GUCY1A1: variants seen among roughly 807,000 people sequenced by gnomAD.
GUCY1A1 encodes guanylate cyclase soluble subunit alpha-1.
A neutral mutation model predicts 64.5 loss-of-function variants in GUCY1A1; 48 were observed. That is an observed-to-expected ratio of 0.74 (90% CI 0.59 to 0.95). The LOEUF is 0.95. Among genes scored for constraint, GUCY1A1 ranks in the 40% least tolerant of loss-of-function variants. The pLI, the probability that GUCY1A1 is intolerant of heterozygous loss-of-function variation, is 0.00. For missense variants in GUCY1A1, 804 were observed against 825.3 expected (o/e 0.97, Z 0.32); for synonymous variants, 308 against 303.4 (o/e 1.02, Z -0.16).
chr4:155,692,512 A>G (rs1249789933), intron 2 of GUCY1A1, among the ~76,000 whole-genome samples: 1 of 152,162 alleles, frequency 6.6e-6, no homozygotes, highest in African/African-American at 2.4e-5. Context: ...GTTAGATGGT[A>G]TCTCATTGTG....
At chr4:155,716,841 C>T (rs1733300964) in intron 7 of GUCY1A1, among the ~76,000 whole-genome samples, 1 of 151,904 alleles carries the variant, frequency 6.6e-6, no homozygotes, top group Admixed American at 6.6e-5. Flanking sequence ...ATTGTTTCTA[C>T]AAAAACTATC....
chr4:155,717,099 A>G, intron 7 of GUCY1A1, 60 bp from the exon 8 acceptor site: 2 of 1,180,148 alleles, frequency 1.7e-6, no homozygotes, highest in South Asian at 4.4e-5. Flanking sequence ...CTTCTATCCG[A>G]TGTAGGCTGT....
rs150469433 is a variant in GUCY1A1, at chr4:155,692,325, G to A, written c.-112-4431G>A. On this transcript the variant is annotated intron_variant, in intron 2 of 9. Transcript: ENST00000506455. ...GTGTATACCTAGTAGTAGGATTGCT[G>A]GGTCAAATGGTATTTCTGTCTTTAG... Among the ~76,000 whole-genome samples the A allele has an allele frequency of 2.8e-3, 429 of 152,220 alleles. 4 individuals are homozygous for A. The highest frequency in any genetic ancestry group is 1.0e-2 in the African/African-American group (415 of 41,530).
At chr4:155,685,817 C>T (rs1348085593) in intron 2 of GUCY1A1, among the ~76,000 whole-genome samples, 2 of 152,056 alleles carry the variant, frequency 1.3e-5, no homozygotes, top group South Asian at 2.1e-4. Context: ...CTGTGAGAGT[C>T]ACTAGTGTCT....
rs1735475663 is a variant in GUCY1A1, at chr4:155,730,945, G to T, written c.*714G>T. 1 of 153,188 alleles carries T rather than the reference G, an allele frequency of 6.5e-6. No homozygotes were observed. Among genetic ancestry groups the T allele is most frequent in the South Asian group, 2.1e-4 (1 of 4,818 alleles). The allele number at this position is 153,188 out of a possible 1,614,324, so 9.5% of individuals were successfully genotyped here. On this transcript the variant is annotated 3_prime_UTR_variant, in exon 10 of 10. Transcript: ENST00000506455. ...TTGACTTTTTTAAAATTCTACAATG[G>T]TAAAAGCTATTTTAATCCATGTTAG...
intron 8 of GUCY1A1, among the ~76,000 whole-genome samples, chr4:155,718,858 TAGG>T (rs1370758616): frequency 1.3e-5 from 2 of 152,202 alleles, no homozygotes; most frequent in South Asian, 4.1e-4. Flanking sequence ...CAAGAATCAA[TAGG>T]AGGAGTGTAA....
intron 2 of GUCY1A1, among the ~76,000 whole-genome samples, chr4:155,684,197 C>T (rs923686235): frequency 6.6e-6 from 1 of 152,130 alleles, no homozygotes; most frequent in African/African-American, 2.4e-5. Flanking sequence ...ATGGCAGAGG[C>T]ATTAAAAGAA....
At chr4:155,716,952 C>G (rs1733320841) in intron 7 of GUCY1A1, among the ~76,000 whole-genome samples, 1 of 152,158 alleles carries the variant, frequency 6.6e-6, no homozygotes. Flanking sequence ...TGTACTGCCT[C>G]TCAGTGCAGT....
intron 2 of GUCY1A1, among the ~76,000 whole-genome samples, chr4:155,677,938 T>TA (rs1336620914): frequency 6.6e-6 from 1 of 151,894 alleles, no homozygotes; most frequent in Admixed American, 6.6e-5. Context: ...TAAGTTTATA[T>TA]AAAAAATTAG....
rs1579152587 is a variant in GUCY1A1 at position 155,733,946 on chromosome 4, C to A, written c.*3715C>A. Among the ~76,000 whole-genome samples the A allele has an allele frequency of 6.6e-6, 1 of 151,838 alleles. No homozygotes were observed. Among genetic ancestry groups the A allele is most frequent in the Non-Finnish European group, 1.5e-5 (1 of 67,868 alleles). ...TTTTACCATAAGTATGAGCATAAAGCTGGGATGTCTGGCATTGGAATTTTA... is the reference window on the plus strand; with the variant it reads ...TTTTACCATAAGTATGAGCATAAAGATGGGATGTCTGGCATTGGAATTTTA... On this transcript the variant is annotated 3_prime_UTR_variant, in exon 10 of 10. Transcript: ENST00000506455.
rs1350500182 is a variant in GUCY1A1, at chr4:155,735,778, G to C, written c.*5547G>C. 1 of 151,884 alleles carries C rather than the reference G, an allele frequency of 6.6e-6. No individual in the cohort carries two copies. The highest frequency in any genetic ancestry group is 1.5e-5 in the Non-Finnish European group (1 of 67,924). 9.4% of individuals were successfully genotyped at this position (151,884 alleles called of 1,614,324 possible). A position where few individuals can be genotyped will look rare whatever the true frequency, so the allele number is the denominator to read the frequency against. On this transcript the variant is annotated 3_prime_UTR_variant, in exon 10 of 10. Coordinates refer to ENST00000506455, the MANE Select transcript of GUCY1A1 (RefSeq NM_001130682.3). ...AACAAAAATGCTATTACAGAAGTTG[G>C]ACAGCCCAATGTGTTAAGTATTATA...
rs1735459143 is a variant in GUCY1A1 at position 155,730,794 on chromosome 4, C to T, written c.*563C>T. 1 of 153,000 alleles carries T rather than the reference C, an allele frequency of 6.5e-6. No homozygotes were observed. The highest frequency in any genetic ancestry group is 6.6e-5 in the Admixed American group (1 of 15,170). The allele number at this position is 153,000 out of a possible 1,614,324, so 9.5% of individuals were successfully genotyped here. ...TCTTTTTTTCTTTTTAGAAAATAAG[C>T]AATTAGGGGTTAGATGCAATATGAA... On this transcript the variant is annotated 3_prime_UTR_variant, in exon 10 of 10. Coordinates refer to ENST00000506455, the MANE Select transcript of GUCY1A1 (RefSeq NM_001130682.3).
At chr4:155,685,520 C>A (rs1490635277) in intron 2 of GUCY1A1, among the ~76,000 whole-genome samples, 1 of 152,034 alleles carries the variant, frequency 6.6e-6, no homozygotes, top group East Asian at 1.9e-4. Context: ...CTTTGTCTGA[C>A]CCTCTCAGCC....
chr4:155,669,624 C>T (rs1733847362), intron 2 of GUCY1A1, among the ~76,000 whole-genome samples: 1 of 151,880 alleles, frequency 6.6e-6, no homozygotes. Flanking sequence ...TAATATTTCA[C>T]TACAAACAAG....
At chr4:155,719,499 G>A (rs2126924821) in intron 8 of GUCY1A1, among the ~76,000 whole-genome samples, 1 of 152,260 alleles carries the variant, frequency 6.6e-6, no homozygotes, top group Non-Finnish European at 1.5e-5. Flanking sequence ...ATGTCCATGT[G>A]ACTTCAAAGC....
At chr4:155,723,812 G>A (rs931995277) in intron 9 of GUCY1A1, among the ~76,000 whole-genome samples, 13 of 151,916 alleles carry the variant, frequency 8.6e-5, no homozygotes, top group Non-Finnish European at 1.8e-4. Flanking sequence ...ACAGGCGCCC[G>A]CCTCCACGTC....
intron 9 of GUCY1A1, chr4:155,722,623 G>A: frequency 5.8e-6 from 1 of 172,056 alleles, no homozygotes; most frequent in Non-Finnish European, 1.2e-5. Context: ...CACCCTTCAG[G>A]ACCTAAGTAT....
chr4:155,725,821 T>A (rs1048647944), intron 9 of GUCY1A1, among the ~76,000 whole-genome samples: 12 of 152,082 alleles, frequency 7.9e-5, no homozygotes, highest in Non-Finnish European at 1.5e-4. Context: ...TTAGATTCAC[T>A]GTATTGGCAA....
intron 2 of GUCY1A1, among the ~76,000 whole-genome samples, chr4:155,690,603 T>C (rs1729609817): frequency 1.3e-5 from 2 of 152,206 alleles, no homozygotes; most frequent in Admixed American, 1.3e-4. Context: ...ACCTCATTCA[T>C]GCCTTTGCTA....
Sources: gnomAD v4.1 joint callset for allele counts (sites outside exome capture counted in the v4.1 genomes callset) on GRCh38, gnomAD v4.1.1 for gene constraint, MANE v1.5 for transcripts, NCBI Gene and HGNC (gene_info 2026-07-23, HGNC 2026-07-21) for gene names.